The following GLMN variants were observed in gnomAD, a reference collection of about 807,000 sequenced individuals.
GLMN encodes the protein glomulin, FKBP associated protein, also known as glomulin.
In GLMN, 75 loss-of-function variants were observed where a neutral mutation model predicts 87.8. That is an observed-to-expected ratio of 0.85 (90% CI 0.71 to 1.04). The LOEUF (loss-of-function observed/expected upper bound fraction) is 1.04. GLMN is among the 50% of genes least tolerant of loss of function. The probability of loss-of-function intolerance (pLI) is 0.00; values close to 1 mark genes in which losing one functional copy is unlikely to be tolerated. For missense variants in GLMN, 588 were observed against 658.8 expected (o/e 0.89, Z 1.18); for synonymous variants, 206 against 221.6 (o/e 0.93, Z 0.63).
At chr1:92,309,841 G>A in the GLMN span, among the ~76,000 whole-genome samples, 1 of 152,172 alleles carries the variant, frequency 6.6e-6, no homozygotes, top group Non-Finnish European at 1.5e-5. Context: ...TGGGAAACGA[G>A]AAGATAACAA....
At chr1:92,361,557 T>G in the GLMN span, among the ~76,000 whole-genome samples, 1 of 152,158 alleles carries the variant, frequency 6.6e-6, no homozygotes, top group Non-Finnish European at 1.5e-5. Flanking sequence ...ATTATAGAGA[T>G]GTAATCTGTA....
chr1:92,286,429 G>A, intron 7 of GLMN, 61 bp downstream of exon 7: 1 of 826,094 alleles, frequency 1.2e-6, no homozygotes, highest in South Asian at 1.4e-5. Context: ...TACATGTGCA[G>A]TACTGAGAAT....
intron 7 of GLMN, among the ~76,000 whole-genome samples, chr1:92,277,734 G>C (rs1390690387): frequency 2.0e-5 from 3 of 152,186 alleles, no homozygotes. Flanking sequence ...CATCCAGGCA[G>C]GGTATGGAAA....
rs1362141968 is a variant in GLMN, at chr1:92,297,445, T to A, written c.124A>T (p.Thr42Ser). 1 of 1,610,872 alleles carries A rather than the reference T, an allele frequency of 6.2e-7. No homozygotes were observed. The change falls in exon 3 of 19, where the codon ACA (threonine) becomes TCA (serine). Residue 42 changes from threonine (T) to serine (S), a missense_variant. By Grantham distance (58) the Thr-to-Ser change is moderately conservative. Coordinates refer to ENST00000370360, the MANE Select transcript of GLMN (RefSeq NM_053274.3). ...AGQRCIEEGH[T>S]DQLLEIIQNE... is the part of the protein sequence containing the mutation. ...TGAATAATTTCTAATAGCTGGTCTG[T>A]GTGCCCTTCTTCTATGCATCTTTGC...
At chr1:92,281,662 GAC>G (rs1399198186) in intron 7 of GLMN, among the ~76,000 whole-genome samples, 1 of 152,108 alleles carries the variant, frequency 6.6e-6, no homozygotes, top group Non-Finnish European at 1.5e-5. Context: ...CCAATTAAAA[GAC>G]ACAGACTGGC....
At chr1:92,364,590 A>G in the GLMN span, among the ~76,000 whole-genome samples, 2 of 152,096 alleles carry the variant, frequency 1.3e-5, no homozygotes, top group Non-Finnish European at 2.9e-5. Context: ...TGCCTTTCAA[A>G]TGGCCCCTTT....
intron 14 of GLMN, 136 bp downstream of exon 14, chr1:92,264,418 A>G (rs1570885147): frequency 5.4e-6 from 3 of 558,764 alleles, no homozygotes; most frequent in African/African-American, 8.5e-5. Context: ...GAAATAGGGG[A>G]AAAAATATGC....
chr1:92,315,850 T>C, the GLMN span, among the ~76,000 whole-genome samples: 72 of 152,318 alleles, frequency 4.7e-4, no homozygotes, highest in Middle Eastern at 3.4e-3. Context: ...AAATGTCTCC[T>C]GATACCCTGT....
intron 7 of GLMN, among the ~76,000 whole-genome samples, chr1:92,271,881 CA>C (rs1239085722): frequency 6.6e-6 from 1 of 152,126 alleles, no homozygotes; most frequent in African/African-American, 2.4e-5. Flanking sequence ...ATTAAGGTCC[CA>C]AATCAGTAGA....
chr1:92,300,234 T>C (rs374443226), upstream of GLMN: 105 of 1,608,432 alleles, frequency 6.5e-5, no homozygotes, highest in Non-Finnish European at 8.3e-5. Flanking sequence ...AAGATGCTTC[T>C]AAAAGGTATG....
upstream of GLMN, among the ~76,000 whole-genome samples, chr1:92,302,846 C>T (rs959996829): frequency 1.3e-5 from 2 of 151,606 alleles, no homozygotes; most frequent in South Asian, 2.1e-4. Context: ...GTGATCCGCC[C>T]GCGTCGGCCT....
At chr1:92,314,351 GTT>G in the GLMN span, among the ~76,000 whole-genome samples, 3 of 136,748 alleles carry the variant, frequency 2.2e-5, no homozygotes, top group Non-Finnish European at 1.6e-5. Flanking sequence ...TGGTTTTTGG[GTT>G]TTTTTTTTTT....
At chr1:92,262,247 A>C (rs984021087) in intron 16 of GLMN, among the ~76,000 whole-genome samples, 2 of 152,238 alleles carry the variant, frequency 1.3e-5, no homozygotes, top group African/African-American at 4.8e-5. Flanking sequence ...TAGAGGTGAC[A>C]CATATAGGGA....
intron 7 of GLMN, among the ~76,000 whole-genome samples, chr1:92,277,429 A>G (rs925251458): frequency 6.6e-5 from 10 of 152,114 alleles, no homozygotes; most frequent in Non-Finnish European, 1.0e-4. Flanking sequence ...CTCCAAAGTG[A>G]TAAGTGTCTT....
chr1:92,360,343 G>A, the GLMN span, among the ~76,000 whole-genome samples: 4 of 152,310 alleles, frequency 2.6e-5, no homozygotes, highest in Non-Finnish European at 5.9e-5. Context: ...GATAGGAGTG[G>A]AGACCAGATT....
chr1:92,269,829 TACACAC>T, intron 8 of GLMN, 53 bp from the exon 9 acceptor site: 1 of 1,110,870 alleles, frequency 9.0e-7, no homozygotes, highest in Non-Finnish European at 1.4e-6. Flanking sequence ...CAGAGATATG[TACACAC>T]ATACATATTG....
Position 92,266,796 on chromosome 1 carries a change from C to T in GLMN, c.1099-55G>A, listed in dbSNP as rs997864173. 16 of 1,107,578 alleles carry T rather than the reference C, an allele frequency of 1.4e-5. No homozygotes were observed. The African/African-American group carries it at 2.5e-4, about 17-fold the overall frequency. The allele number at this position is 1,107,578 out of a possible 1,614,324, so 68.6% of individuals were successfully genotyped here. On this transcript the variant is annotated intron_variant, in intron 11 of 18. Coordinates refer to ENST00000370360, the MANE Select transcript of GLMN (RefSeq NM_053274.3). The stretch of plus-strand genomic sequence containing the variant: ...GTAAACAGATTATACTGACTGCAAA[C>T]AAACAACTATAATACATCAATAGGA...
chr1:92,299,042 G>T, upstream of GLMN: 2 of 1,329,584 alleles, frequency 1.5e-6, no homozygotes, highest in South Asian at 2.8e-5. Context: ...AGACGCCGGA[G>T]CGTGTCCCCG....
rs1456344161 is a variant in GLMN, at chr1:92,290,393, CAAAA to C, written c.286-91_286-88del. ...CTATTTTTAAGAAGGCATGTATCGA[CAAAA>C]TATTATACAATTATGTTTTTGCTTA... On this transcript the variant is annotated intron_variant, in intron 4 of 18. Transcript: ENST00000370360. 5.2e-6 allele frequency: 4 copies of C among 775,552 alleles called. No individual in the cohort carries two copies. The African/African-American group carries it at 6.9e-5, about 13-fold the overall frequency. 48.0% of individuals were successfully genotyped at this position (775,552 alleles called of 1,614,324 possible). A position where few individuals can be genotyped will look rare whatever the true frequency, so the allele number is the denominator to read the frequency against.
Sources: gnomAD v4.1 joint callset for allele counts (sites outside exome capture counted in the v4.1 genomes callset) on GRCh38, gnomAD v4.1.1 for gene constraint, MANE v1.5 for transcripts, NCBI Gene and HGNC (gene_info 2026-07-23, HGNC 2026-07-21) for gene names.